SYNE2: variants seen among roughly 807,000 people sequenced by gnomAD.
SYNE2 encodes spectrin repeat containing nuclear envelope protein 2, also known as nesprin-2.
In SYNE2, 431 loss-of-function variants were observed where a neutral mutation model predicts 856.3. The ratio of observed to expected loss-of-function variants is 0.50; its 90% CI spans 0.47 to 0.55. The LOEUF is 0.55. SYNE2 is among the 20% of genes least tolerant of loss of function. SYNE2 has a pLI of 0.00. For synonymous variants in SYNE2, 2,923 were observed against 2,872.3 expected (o/e 1.02, Z -0.56); for missense variants, 8,129 against 8,023.2 (o/e 1.01, Z -0.50).
chr14:63,791,463 TC>T (rs1240171780), intron 1 of SYNE2, among the ~76,000 whole-genome samples: 1 of 152,218 alleles, frequency 6.6e-6, no homozygotes, highest in Non-Finnish European at 1.5e-5. Context: ...TTCTGTCACT[TC>T]CCTATTACAT....
At position 64,152,641 on chromosome 14, in the gene SYNE2, G is replaced by C. The variant is rs770064129; in HGVS notation, c.15717G>C (p.Gly5239=). 5 of 1,613,976 alleles carry C rather than the reference G, an allele frequency of 3.1e-6. No homozygotes were observed. In the African/African-American group the frequency reaches 6.7e-5, roughly 22 times the overall value. ...AAAGTTATCTGACTTTGGAGAGTGGGGCAGTGCCATTGTTAGAAGATACAG... is the reference window on the plus strand; with the variant it reads ...AAAGTTATCTGACTTTGGAGAGTGGCGCAGTGCCATTGTTAGAAGATACAG... ...LKQSYLTLES[G]AVPLLEDTAS... The change falls in exon 85 of 116, where the codon GGG becomes GGC. Residue 5239 remains glycine, a synonymous_variant. Coordinates refer to ENST00000555002, the MANE Select transcript of SYNE2 (RefSeq NM_182914.3).
intron 61 of SYNE2, 131 bp downstream of exon 61, chr14:64,093,611 G>A: frequency 2.1e-6 from 2 of 959,234 alleles, no homozygotes; most frequent in Non-Finnish European, 1.7e-6. Flanking sequence ...TGTAACAATT[G>A]AAGGTATTTC....
At chr14:63,972,197 T>C (rs1238853220) in intron 11 of SYNE2, among the ~76,000 whole-genome samples, 2 of 152,116 alleles carry the variant, frequency 1.3e-5, no homozygotes, top group Non-Finnish European at 2.9e-5. Flanking sequence ...CGGACTCTTG[T>C]GAAGGATAAG....
chr14:64,050,732 T>C (rs1343001259), intron 47 of SYNE2, among the ~76,000 whole-genome samples: 1 of 152,130 alleles, frequency 6.6e-6, no homozygotes, highest in Non-Finnish European at 1.5e-5. Context: ...AAAAAGTTTA[T>C]TTTAGGCCAG....
In SYNE2 at chr14:64,186,549, G is replaced by T. The variant is rs757334496; in HGVS notation, c.17682G>T (p.Leu5894Phe). The T allele has an allele frequency of 6.2e-7, 1 of 1,614,210 alleles. No individual in the cohort carries two copies. Among genetic ancestry groups the T allele is most frequent in the South Asian group, 1.1e-5 (1 of 91,076 alleles). ...VMVLKEQIEH[L>F]HRQWEDLCLR... ...TTTTGAAGGAGCAAATAGAGCATTTGCACAGACAATGGGAGGACCTCTGCT... is the reference window on the plus strand; with the variant it reads ...TTTTGAAGGAGCAAATAGAGCATTTTCACAGACAATGGGAGGACCTCTGCT... Residue 5894 changes from leucine (L) to phenylalanine (F), a missense_variant, in exon 97 of 116, where the codon TTG becomes TTT. Coordinates refer to ENST00000555002, the MANE Select transcript of SYNE2 (RefSeq NM_182914.3).
At chr14:63,814,431 T>C (rs1803024774) in intron 1 of SYNE2, among the ~76,000 whole-genome samples, 1 of 145,900 alleles carries the variant, frequency 6.9e-6, no homozygotes. Flanking sequence ...TATATCCTTA[T>C]ATATATCCAT....
chr14:64,216,519 G>C, intron 108 of SYNE2, 132 bp downstream of exon 108: 2 of 1,032,510 alleles, frequency 1.9e-6, no homozygotes, highest in Non-Finnish European at 3.0e-6. Flanking sequence ...TTCTTATGGT[G>C]ACAGTGTCTC....
intron 63 of SYNE2, chr14:64,099,349 A>G (rs1395489247): frequency 5.8e-6 from 1 of 171,170 alleles, no homozygotes; most frequent in African/African-American, 2.4e-5. Context: ...GTCTTAAGAC[A>G]AAAGGAAGAA....
chr14:63,810,335 C>CAT (rs1400372126), intron 1 of SYNE2, among the ~76,000 whole-genome samples: 2 of 151,796 alleles, frequency 1.3e-5, no homozygotes, highest in Admixed American at 6.6e-5. Context: ...ATGATAAACC[C>CAT]ATATATATAA....
rs902904508 is a variant in SYNE2 at position 64,025,405 on chromosome 14, G to A, written c.6236G>A (p.Arg2079Lys). 5 of 1,612,266 alleles carry A rather than the reference G, an allele frequency of 3.1e-6. No homozygotes were observed. The African/African-American group carries it at 6.7e-5, about 22-fold the overall frequency. The change falls in exon 41 of 116, where the codon AGA (arginine) becomes AAA (lysine). Residue 2079 changes from arginine to lysine, a missense_variant. By Grantham distance (26) the Arg-to-Lys change is conservative. Transcript: ENST00000555002. ...GAAGGCAAAATGCCACTTGAGGAAAGAATCCAAAAAATCAAGGTATAACTA... is the reference window on the plus strand; with the variant it reads ...GAAGGCAAAATGCCACTTGAGGAAAAAATCCAAAAAATCAAGGTATAACTA... Reference protein sequence around the residue: ...SSEGKMPLEERIQKIKEIILL... With the variant: ...SSEGKMPLEEKIQKIKEIILL...
chr14:64,172,189 T>C (rs1225434450), intron 94 of SYNE2, among the ~76,000 whole-genome samples: 3 of 152,160 alleles, frequency 2.0e-5, no homozygotes, highest in Admixed American at 6.5e-5. Flanking sequence ...TTCCTGATTG[T>C]AGGGGAGCTA....
At chr14:63,777,824 A>G (rs886457813) in intron 1 of SYNE2, among the ~76,000 whole-genome samples, 1 of 152,106 alleles carries the variant, frequency 6.6e-6, no homozygotes, top group African/African-American at 2.4e-5. Flanking sequence ...ACAGGCCATC[A>G]TGCCTGGCTA....
intron 2 of SYNE2, among the ~76,000 whole-genome samples, chr14:63,930,270 G>A (rs567241084): frequency 2.7e-5 from 4 of 150,222 alleles, no homozygotes; most frequent in Admixed American, 6.6e-5. Context: ...TGGGCCATAC[G>A]GTGAGACCCT....
intron 10 of SYNE2, among the ~76,000 whole-genome samples, chr14:63,966,388 T>G (rs376525808): frequency 8.6e-5 from 13 of 150,984 alleles, no homozygotes; most frequent in African/African-American, 3.2e-4. Context: ...CTGGACGTGG[T>G]GGTGCACTCC....
At chr14:63,974,892 G>GTGTGTGTGTATATATA (rs1375697679) in intron 11 of SYNE2, among the ~76,000 whole-genome samples, 10 of 67,322 alleles carry the variant, frequency 1.5e-4, no homozygotes, top group African/African-American at 3.6e-4. Flanking sequence ...GTGTGTGTGT[G>GTGTGTGTGTATATATA]TATATATATA....
At chr14:63,933,378 A>G (rs147730530) in intron 2 of SYNE2, among the ~76,000 whole-genome samples, 85 of 152,294 alleles carry the variant, frequency 5.6e-4, no homozygotes, top group Non-Finnish European at 1.1e-3. Flanking sequence ...ATGAAAATCC[A>G]CACCCTTTAA....
At chr14:64,154,974 G>A (rs926207110) in intron 85 of SYNE2, among the ~76,000 whole-genome samples, 2 of 152,146 alleles carry the variant, frequency 1.3e-5, no homozygotes, top group Non-Finnish European at 2.9e-5. Context: ...CAAAAAGACA[G>A]ACAGTAACAA....
In SYNE2 at chr14:64,223,886, T is replaced by C. The variant is rs78760291; in HGVS notation, c.20382+506T>C. On this transcript the variant is annotated intron_variant, in intron 113 of 115. Transcript: ENST00000555002. Reference sequence around the variant, plus strand: ...GCCACATGATCTCATCACCGACCTGTGATGAGCTCACCATCTACTCAAACT... The same window carrying C: ...GCCACATGATCTCATCACCGACCTGCGATGAGCTCACCATCTACTCAAACT... Among the ~76,000 whole-genome samples, 1,262 of 152,274 alleles carry C rather than the reference T, an allele frequency of 8.3e-3. 16 individuals carry two copies. Among genetic ancestry groups the C allele is most frequent in the African/African-American group, 0.029 (1,217 of 41,538 alleles).
At chr14:63,892,969 G>T (rs1376650992) in intron 1 of SYNE2, among the ~76,000 whole-genome samples, 1 of 151,938 alleles carries the variant, frequency 6.6e-6, no homozygotes, top group African/African-American at 2.4e-5. Context: ...TTATATGTCA[G>T]TCAAGAGTAA....
Sources: gnomAD v4.1 joint callset for allele counts (sites outside exome capture counted in the v4.1 genomes callset) on GRCh38, gnomAD v4.1.1 for gene constraint, MANE v1.5 for transcripts, NCBI Gene and HGNC (gene_info 2026-07-23, HGNC 2026-07-21) for gene names.